Variants in PRKCE observed in about 807,000 individuals in gnomAD.
The protein encoded by PRKCE is protein kinase C epsilon type.
In PRKCE, 16 loss-of-function variants were observed where a neutral mutation model predicts 85.4. The observed-to-expected ratio is 0.19, with a 90% CI of 0.13 to 0.28. The LOEUF is 0.28. PRKCE is among the 10% of genes least tolerant of loss of function. PRKCE has a pLI of 1.00. For missense variants in PRKCE, 573 were observed against 975.2 expected (o/e 0.59, Z 5.49); for synonymous variants, 388 against 371.5 (o/e 1.04, Z -0.51).
intron 10 of PRKCE, among the ~76,000 whole-genome samples, chr2:46,045,133 T>C (rs1457301025): frequency 6.6e-6 from 1 of 152,088 alleles, no homozygotes; most frequent in African/African-American, 2.4e-5. Context: ...TGAAACAGAG[T>C]AGGGTAGACA....
chr2:45,690,485 C>T (rs1357210384), intron 1 of PRKCE, among the ~76,000 whole-genome samples: 1 of 152,186 alleles, frequency 6.6e-6, no homozygotes, highest in East Asian at 1.9e-4. Flanking sequence ...AGGCCTCTTG[C>T]ATTGTCAATT....
At chr2:45,940,084 C>CT (rs1295757846) in intron 2 of PRKCE, among the ~76,000 whole-genome samples, 2 of 152,294 alleles carry the variant, frequency 1.3e-5, no homozygotes, top group East Asian at 3.9e-4. Context: ...CTGCCTTCTT[C>CT]TTTTTTGCGC....
chr2:46,035,296 C>G (rs900344863), intron 10 of PRKCE, among the ~76,000 whole-genome samples: 4 of 152,286 alleles, frequency 2.6e-5, no homozygotes, highest in African/African-American at 9.6e-5. Context: ...AGGCCAGAGC[C>G]TTCTCTGTAG....
chr2:45,679,810 C>A (rs1282011801), intron 1 of PRKCE, among the ~76,000 whole-genome samples: 1 of 152,122 alleles, frequency 6.6e-6, no homozygotes, highest in Non-Finnish European at 1.5e-5. Flanking sequence ...TCTGTGTTCC[C>A]TCCAGCTAGG....
chr2:46,131,660 G>T (rs866721750), intron 11 of PRKCE, among the ~76,000 whole-genome samples: 11 of 152,188 alleles, frequency 7.2e-5, no homozygotes, highest in African/African-American at 2.4e-4. Flanking sequence ...GAAGCTGCTG[G>T]ATCCTTCTTG....
chr2:46,040,263 G>A (rs1169848127), intron 10 of PRKCE, among the ~76,000 whole-genome samples: 1 of 152,164 alleles, frequency 6.6e-6, no homozygotes, highest in Non-Finnish European at 1.5e-5. Context: ...GGAGAGCTAG[G>A]GGCATTCCAG....
intron 2 of PRKCE, among the ~76,000 whole-genome samples, chr2:45,886,513 C>G (rs1464881520): frequency 1.3e-5 from 2 of 152,206 alleles, no homozygotes; most frequent in Non-Finnish European, 2.9e-5. Flanking sequence ...CTTGCTTAAA[C>G]ATAAACAGCA....
chr2:46,160,795 G>A (rs1677681063), intron 14 of PRKCE, among the ~76,000 whole-genome samples: 1 of 152,164 alleles, frequency 6.6e-6, no homozygotes, highest in African/African-American at 2.4e-5. Flanking sequence ...TCTATTCAAG[G>A]AGATTTTCTG....
rs1354291075 is a variant in PRKCE at position 45,814,226 on chromosome 2, A to G, written c.349-28774A>G. On this transcript the variant is annotated intron_variant, in intron 1 of 14. Coordinates refer to ENST00000306156, the MANE Select transcript of PRKCE (RefSeq NM_005400.3). ...TGAGAAAAATTTTGAAGCCAGAGCT[A>G]TAGATTGGAAGTGGCAAACTTGACG... Among the ~76,000 whole-genome samples, 4 of 152,350 alleles carry G rather than the reference A, an allele frequency of 2.6e-5. No homozygotes were observed. The South Asian group carries it at 6.2e-4, about 24-fold the overall frequency.
At chr2:46,008,177 CCTTTACACGTGG>C (rs1705365091) in intron 9 of PRKCE, among the ~76,000 whole-genome samples, 1 of 152,104 alleles carries the variant, frequency 6.6e-6, no homozygotes. Flanking sequence ...TTCTGTTTAT[CCTTTACACGTGG>C]CAAGAAAATG....
At chr2:46,097,756 C>T (rs112247162) in intron 11 of PRKCE, among the ~76,000 whole-genome samples, 1 of 152,164 alleles carries the variant, frequency 6.6e-6, no homozygotes, top group Non-Finnish European at 1.5e-5. Context: ...ATGCCAAATA[C>T]CAGCATGAGT....
At chr2:46,129,905 T>C (rs1035199781) in intron 11 of PRKCE, among the ~76,000 whole-genome samples, 2 of 152,246 alleles carry the variant, frequency 1.3e-5, no homozygotes, top group African/African-American at 4.8e-5. Context: ...AGAACACTTA[T>C]GTTTTCAAAA....
Position 45,736,398 on chromosome 2 carries a change from T to C in PRKCE, c.348+83950T>C, listed in dbSNP as rs117476772. Reference sequence around the variant, plus strand: ...GCTCTGGGTGAGAGCAGGGCTGGTGTTCCTGTGACTAGATCATACTGTCTA... The same window carrying C: ...GCTCTGGGTGAGAGCAGGGCTGGTGCTCCTGTGACTAGATCATACTGTCTA... On this transcript the variant is annotated intron_variant, in intron 1 of 14. Transcript: ENST00000306156. Among the ~76,000 whole-genome samples, 49 of 152,294 alleles carry C rather than the reference T, an allele frequency of 3.2e-4. 1 individual carries two copies. The East Asian group carries it at 9.5e-3, about 29-fold the overall frequency.
intron 1 of PRKCE, among the ~76,000 whole-genome samples, chr2:45,720,645 A>G (rs754018260): frequency 1.3e-5 from 2 of 152,120 alleles, no homozygotes; most frequent in Non-Finnish European, 2.9e-5. Flanking sequence ...CCCAAACTTG[A>G]TGTATTGATG....
intron 1 of PRKCE, among the ~76,000 whole-genome samples, chr2:45,664,283 A>C (rs988296200): frequency 6.6e-6 from 1 of 152,208 alleles, no homozygotes; most frequent in Admixed American, 6.5e-5. Context: ...CTCGGTTTGA[A>C]ATCTAGTTTT....
rs1369322724 is a variant in PRKCE, at chr2:46,041,902, G to A, written c.1437+31385G>A. 6.6e-6 allele frequency among the ~76,000 whole-genome samples: 1 copy of A among 152,158 alleles called. No individual in the cohort carries two copies. The highest frequency in any genetic ancestry group is 1.5e-5 in the Non-Finnish European group (1 of 68,034). ...ATTTTCCACACTGGAAACTTACCATGAGCAATTCTTTTCAGAGGTTAGCTT... is the reference window on the plus strand; with the variant it reads ...ATTTTCCACACTGGAAACTTACCATAAGCAATTCTTTTCAGAGGTTAGCTT... On this transcript the variant is annotated intron_variant, in intron 10 of 14. Coordinates refer to ENST00000306156, the MANE Select transcript of PRKCE (RefSeq NM_005400.3). The surrounding 1 kb of genome is among the most constrained non-coding windows in gnomAD (Gnocchi z 5.5).
At chr2:46,179,440 C>T (rs1295307802) in intron 14 of PRKCE, among the ~76,000 whole-genome samples, 1 of 152,154 alleles carries the variant, frequency 6.6e-6, no homozygotes, top group Non-Finnish European at 1.5e-5. Flanking sequence ...TGAGAGGGAT[C>T]TGGACTGACC....
At chr2:45,835,976 T>A (rs568281518) in intron 1 of PRKCE, among the ~76,000 whole-genome samples, 1 of 152,324 alleles carries the variant, frequency 6.6e-6, no homozygotes. Context: ...TTGTTGGACA[T>A]TTGGGACATT....
intron 1 of PRKCE, among the ~76,000 whole-genome samples, chr2:45,745,538 A>C (rs1683071761): frequency 6.6e-6 from 1 of 152,232 alleles, no homozygotes; most frequent in Non-Finnish European, 1.5e-5. Context: ...AAACGAAAGC[A>C]TGTGGAGGTT....
Sources: gnomAD v4.1 joint callset for allele counts (sites outside exome capture counted in the v4.1 genomes callset) on GRCh38, gnomAD v4.1.1 for gene constraint, Gnocchi (gnomAD v3.1) non-coding constraint, MANE v1.5 for transcripts, NCBI Gene and HGNC (gene_info 2026-07-23, HGNC 2026-07-21) for gene names.